The following CYP26B1 variants were observed in gnomAD, a reference collection of about 807,000 sequenced individuals.
CYP26B1 encodes the protein cytochrome P450 26B1.
In CYP26B1, 8 loss-of-function variants were observed where a neutral mutation model predicts 39.1. That is an observed-to-expected ratio of 0.20 (90% CI 0.12 to 0.37). CYP26B1 has a LOEUF of 0.37. Ranked by LOEUF, CYP26B1 falls within the 10% of genes least tolerant of loss-of-function variation. The pLI is 1.00. For missense variants in CYP26B1, 615 were observed against 707.0 expected, an observed-to-expected ratio of 0.87 and a Z score of 1.48; for synonymous variants, 321 against 314.3, an observed-to-expected ratio of 1.02 and a Z score of -0.23.
chr2:72,140,004 T>G (rs1030070231), intron 2 of CYP26B1, among the ~76,000 whole-genome samples: 2 of 152,274 alleles, frequency 1.3e-5, no homozygotes, highest in Middle Eastern at 3.4e-3. Context: ...CTGCTTCCTT[T>G]TAGGCTTAGG....
rs1162185065 is a variant in CYP26B1 at position 72,135,408 on chromosome 2, C to G, written c.441G>C (p.Lys147Asn). ...IHRNKRKVFSKIFSHEALESY... is the reference protein window; with the variant it reads ...IHRNKRKVFSNIFSHEALESY... ...TCTCCAGGGCCTCGTGGCTGAAGAT[C>G]TTGGAGAAGACCTGGAAGGCAGAGA... Residue 147 changes from lysine to asparagine, a missense_variant, in exon 3 of 6, where the codon AAG becomes AAC. Physicochemically the swap from Lys to Asn is moderately conservative, Grantham distance 94 (BLOSUM62 0). Coordinates refer to ENST00000001146, the MANE Select transcript of CYP26B1 (RefSeq NM_019885.4). 1.2e-6 allele frequency: 2 copies of G among 1,611,192 alleles called. No individual in the cohort carries two copies. The highest frequency in any genetic ancestry group is 1.1e-5 in the South Asian group (1 of 91,082).
chr2:72,132,910 A>T, intron 5 of CYP26B1, 113 bp downstream of exon 5: 1 of 1,530,852 alleles, frequency 6.5e-7, no homozygotes, highest in Non-Finnish European at 8.9e-7. Flanking sequence ...GAAAGCAAGC[A>T]CTGTTTCCCC....
At chr2:72,135,666 G>T (rs1382918064) in intron 2 of CYP26B1, among the ~76,000 whole-genome samples, 1 of 152,174 alleles carries the variant, frequency 6.6e-6, no homozygotes, top group African/African-American at 2.4e-5. Context: ...GCCCATTTCG[G>T]AATCCCGGGA....
intron 1 of CYP26B1, 47 bp from the exon 2 acceptor site, chr2:72,144,260 G>A (rs760010054): frequency 6.4e-7 from 1 of 1,557,080 alleles, no homozygotes; most frequent in Non-Finnish European, 8.7e-7. Context: ...CTTCTGCAGA[G>A]GGCCCGCGAG....
intron 2 of CYP26B1, among the ~76,000 whole-genome samples, chr2:72,140,993 A>C (rs533554248): frequency 3.3e-5 from 5 of 152,300 alleles, no homozygotes; most frequent in Non-Finnish European, 4.4e-5. Flanking sequence ...GTCCAGTCCT[A>C]TCTCCAAAGG....
At chr2:72,140,049 G>C (rs10193621) in intron 2 of CYP26B1, among the ~76,000 whole-genome samples, 33,158 of 152,212 alleles carry the variant, frequency 0.22, 10,211 homozygotes, top group African/African-American at 0.69. Context: ...AGCATGGGGG[G>C]CCCAGGGCCA....
At chr2:72,144,297 G>T (rs781401166) in intron 1 of CYP26B1, 84 bp from the exon 2 acceptor site, 1 of 1,537,996 alleles carries the variant, frequency 6.5e-7, no homozygotes, top group Non-Finnish European at 8.8e-7. Context: ...CCAACCCGGG[G>T]TACAGTCACC....
At chr2:72,135,593 G>A (rs1029916911) in intron 2 of CYP26B1, among the ~76,000 whole-genome samples, 174 bp from the exon 3 acceptor site, 1 of 152,216 alleles carries the variant, frequency 6.6e-6, no homozygotes, top group Non-Finnish European at 1.5e-5. Context: ...GATGTGGCTT[G>A]TGAGGGGCAT....
chr2:72,138,635 C>G (rs1401986237), intron 2 of CYP26B1, among the ~76,000 whole-genome samples: 2 of 152,180 alleles, frequency 1.3e-5, no homozygotes, highest in South Asian at 2.1e-4. Flanking sequence ...GAGGGAGTGG[C>G]AGGTATGGAC....
chr2:72,144,287 C>G lies in CYP26B1; in HGVS notation c.205-74G>C, dbSNP rs751736113. ...GCCCGCGAGGGAGGGGCGGCGGACC[C>G]CAACCCGGGGTACAGTCACCTGCCC... On this transcript the variant is annotated intron_variant, in intron 1 of 5. Coordinates refer to ENST00000001146, the MANE Select transcript of CYP26B1 (RefSeq NM_019885.4). 1.3e-5 allele frequency: 20 copies of G among 1,546,034 alleles called. No homozygotes were observed. The South Asian group carries it at 2.1e-4, about 16-fold the overall frequency.
intron 2 of CYP26B1, among the ~76,000 whole-genome samples, chr2:72,140,259 TG>T (rs1292152030): frequency 3.9e-5 from 6 of 152,180 alleles, no homozygotes; most frequent in African/African-American, 1.4e-4. Context: ...CACAAGGGCA[TG>T]CAGAGGGAGG....
Position 72,132,028 on chromosome 2 carries a change from C to T in CYP26B1, c.*199G>A. On this transcript the variant is annotated 3_prime_UTR_variant, in exon 6 of 6. Coordinates refer to ENST00000001146, the MANE Select transcript of CYP26B1 (RefSeq NM_019885.4). ...TAAATGGGGAGTGGCTGGAGGGAAGCTGGAGCCAGAAGGGGAGCCCAGCCC... is the reference window on the plus strand; with the variant it reads ...TAAATGGGGAGTGGCTGGAGGGAAGTTGGAGCCAGAAGGGGAGCCCAGCCC... The T allele has an allele frequency of 4.8e-6, 3 of 630,554 alleles. No individual in the cohort carries two copies. The highest frequency in any genetic ancestry group is 8.2e-6 in the Non-Finnish European group (3 of 365,034). 39.1% of individuals were successfully genotyped at this position (630,554 alleles called of 1,614,324 possible).
At chr2:72,137,000 G>A (rs375790373) in intron 2 of CYP26B1, among the ~76,000 whole-genome samples, 18 of 152,294 alleles carry the variant, frequency 1.2e-4, no homozygotes, top group African/African-American at 3.1e-4. Context: ...ATCACTCTGC[G>A]GCTACCAGGC....
chr2:72,139,314 G>GTACTT (rs1263832615), intron 2 of CYP26B1, among the ~76,000 whole-genome samples: 2 of 152,196 alleles, frequency 1.3e-5, no homozygotes, highest in Non-Finnish European at 2.9e-5. Flanking sequence ...GCCAAGGTGT[G>GTACTT]TACTTTATAT....
At chr2:72,141,565 C>T (rs1676943667) in intron 2 of CYP26B1, among the ~76,000 whole-genome samples, 1 of 152,248 alleles carries the variant, frequency 6.6e-6, no homozygotes, top group Non-Finnish European at 1.5e-5. Flanking sequence ...CCAGTCCTGG[C>T]CCAGCAGCCC....
intron 1 of CYP26B1, among the ~76,000 whole-genome samples, chr2:72,144,786 T>G (rs1376012491): frequency 1.3e-5 from 2 of 152,150 alleles, no homozygotes; most frequent in African/African-American, 2.4e-5. Flanking sequence ...GCCGCGATTT[T>G]CCTAATGCAT....
At chr2:72,135,565 G>A in intron 2 of CYP26B1, 146 bp from the exon 3 acceptor site, 1 of 1,199,274 alleles carries the variant, frequency 8.3e-7, no homozygotes, top group Non-Finnish European at 1.2e-6. Flanking sequence ...CAGGCCAGCT[G>A]CCAGCAAGTC....
At chr2:72,145,368 C>T (rs1269525873) in intron 1 of CYP26B1, among the ~76,000 whole-genome samples, 1 of 152,178 alleles carries the variant, frequency 6.6e-6, no homozygotes, top group Non-Finnish European at 1.5e-5. Context: ...GCCTCCGGCC[C>T]GGCGCGCGAC....
At chr2:72,144,479 AAG>A in intron 1 of CYP26B1, 12 of 1,264,676 alleles carry the variant, frequency 9.5e-6, no homozygotes, top group Non-Finnish European at 1.1e-5. Context: ...TTCGAGAGGA[AAG>A]AGGTATCCCG....
Sources: allele counts gnomAD v4.1 joint callset (sites outside exome capture counted in the v4.1 genomes callset), GRCh38; gene constraint gnomAD v4.1.1; transcripts MANE v1.5; gene names NCBI Gene and HGNC (gene_info 2026-07-23, HGNC 2026-07-21).